The following PRKG1 variants were observed in gnomAD, a reference collection of about 807,000 sequenced individuals.
PRKG1 encodes the protein cGMP-dependent protein kinase 1.
Under a neutral mutation model 88.1 loss-of-function variants are expected in PRKG1, and 35 were observed. That is an observed-to-expected ratio of 0.40 (90% CI 0.30 to 0.53). PRKG1 has a LOEUF of 0.53. PRKG1 is among the 20% of genes least tolerant of loss of function. PRKG1 has a pLI of 0.59. For synonymous variants in PRKG1, 303 were observed against 292.5 expected (o/e 1.04, Z -0.37); for missense variants, 540 against 839.8 (o/e 0.64, Z 4.41).
intron 3 of PRKG1, among the ~76,000 whole-genome samples, chr10:51,589,606 G>C (rs1313209147): frequency 1.3e-5 from 2 of 152,102 alleles, no homozygotes; most frequent in African/African-American, 4.8e-5. Context: ...CTGGGCGACA[G>C]AGTGAGACTC....
At chr10:51,673,698 G>A (rs978114694) in intron 3 of PRKG1, among the ~76,000 whole-genome samples, 10 of 152,104 alleles carry the variant, frequency 6.6e-5, no homozygotes, top group Admixed American at 3.9e-4. Flanking sequence ...GTATCTTTCA[G>A]TAAGCATAAT....
At chr10:51,292,274 G>A (rs12253478) in intron 2 of PRKG1, among the ~76,000 whole-genome samples, 36,925 of 151,948 alleles carry the variant, frequency 0.24, 6,743 homozygotes, top group African/African-American at 0.52. Flanking sequence ...AAATTAGGAA[G>A]AACACTGTCC....
In PRKG1 at chr10:51,383,402, GT is replaced by G. The variant is rs1837163665; in HGVS notation, c.479-84320del. On this transcript the variant is annotated intron_variant, in intron 2 of 17. Coordinates refer to ENST00000373980, the MANE Select transcript of PRKG1 (RefSeq NM_006258.4). ...AAACACTTATATTGTACTTTACTGT[GT>G]CAGGCAGTACTCTAAGCCCTTTATA... is the stretch of plus-strand genomic sequence containing the variant. Among the ~76,000 whole-genome samples the G allele has an allele frequency of 2.6e-5, 4 of 152,154 alleles. No individual in the cohort carries two copies. The South Asian group carries it at 8.3e-4, about 32-fold the overall frequency.
intron 3 of PRKG1, among the ~76,000 whole-genome samples, chr10:51,502,730 A>G (rs1841066480): frequency 6.6e-6 from 1 of 152,162 alleles, no homozygotes; most frequent in African/African-American, 2.4e-5. Context: ...TGTCTTTTTG[A>G]GTTATTACCA....
At chr10:51,032,557 G>A (rs1589115475) in intron 1 of PRKG1, among the ~76,000 whole-genome samples, 1 of 152,018 alleles carries the variant, frequency 6.6e-6, no homozygotes, top group Non-Finnish European at 1.5e-5. Context: ...TCAGGAGTTC[G>A]AGACCATCCT....
At chr10:51,034,792 AC>A (rs920866265) in intron 1 of PRKG1, among the ~76,000 whole-genome samples, 1 of 149,478 alleles carries the variant, frequency 6.7e-6, no homozygotes, top group African/African-American at 2.5e-5. Flanking sequence ...CCCATTCTGT[AC>A]CTAATTTTTA....
At chr10:51,559,119 A>G (rs1589079802) in intron 3 of PRKG1, among the ~76,000 whole-genome samples, 2 of 152,066 alleles carry the variant, frequency 1.3e-5, no homozygotes, top group African/African-American at 4.8e-5. Flanking sequence ...ATATACATAT[A>G]TATATGGCTT....
intron 9 of PRKG1, among the ~76,000 whole-genome samples, chr10:52,220,922 G>A (rs192249772): frequency 1.4e-5 from 2 of 147,846 alleles, no homozygotes; most frequent in Admixed American, 7.0e-5. Flanking sequence ...CATTCCTTTG[G>A]GTGTTGCTGG....
chr10:51,908,725 C>CTATCTATATATATATATATATATA (rs1299574623), intron 5 of PRKG1: 2 of 60,584 alleles, frequency 3.3e-5, no homozygotes, highest in Non-Finnish European at 7.5e-5. Context: ...GTCTATCTAT[C>CTATCTATATATATATATATATATA]TATATGTAAT....
chr10:51,929,690 G>GTC (rs1842649468), intron 5 of PRKG1, among the ~76,000 whole-genome samples: 1 of 152,064 alleles, frequency 6.6e-6, no homozygotes, highest in African/African-American at 2.4e-5. Flanking sequence ...AAGTTAGAGG[G>GTC]TCTAAAGCTG....
intron 14 of PRKG1, among the ~76,000 whole-genome samples, chr10:52,288,130 G>A (rs1457780386): frequency 6.6e-6 from 1 of 152,126 alleles, no homozygotes. Flanking sequence ...GTTGTAATAG[G>A]TTGACCAGAG....
At chr10:51,914,080 T>C (rs1042515364) in intron 5 of PRKG1, among the ~76,000 whole-genome samples, 1 of 152,162 alleles carries the variant, frequency 6.6e-6, no homozygotes, top group African/African-American at 2.4e-5. Context: ...CTTTCTTCTC[T>C]TATGTATACT....
At chr10:51,780,947 T>A (rs1190151221) in intron 3 of PRKG1, among the ~76,000 whole-genome samples, 2 of 152,084 alleles carry the variant, frequency 1.3e-5, no homozygotes, top group Non-Finnish European at 1.5e-5. Context: ...TTGAAAGAAA[T>A]GTTTATCATC....
In PRKG1 at chr10:51,338,620, T is replaced by C. The variant is rs776857834; in HGVS notation, c.479-129103T>C. 3.5e-4 allele frequency among the ~76,000 whole-genome samples: 53 copies of C among 152,148 alleles called. 1 individual carries two copies. The highest frequency in any genetic ancestry group is 2.0e-4 in the Admixed American group (3 of 15,264). ...CCCTGGATTGTGTAAAATGAGATGC[T>C]TACATGCAGCGCTGCCATTAACTGG... On this transcript the variant is annotated intron_variant, in intron 2 of 17. Transcript: ENST00000373980.
chr10:51,782,977 G>A lies in PRKG1; in HGVS notation c.593-21608G>A, dbSNP rs138172562. ...AGTCCTGTCTTTTGACGCCTGTGCCGTATTGCTTCTCACTGTACAGTAGTA... is the reference window on the plus strand; with the variant it reads ...AGTCCTGTCTTTTGACGCCTGTGCCATATTGCTTCTCACTGTACAGTAGTA... On this transcript the variant is annotated intron_variant, in intron 3 of 17. Transcript: ENST00000373980. Among the ~76,000 whole-genome samples, 1,464 of 152,040 alleles carry A rather than the reference G, an allele frequency of 9.6e-3. 14 individuals carry two copies. The highest frequency in any genetic ancestry group is 0.014 in the Non-Finnish European group (945 of 67,998).
intron 3 of PRKG1, among the ~76,000 whole-genome samples, chr10:51,489,764 T>C (rs1840656931): frequency 1.3e-5 from 2 of 151,790 alleles, no homozygotes; most frequent in African/African-American, 4.8e-5. Context: ...GGGAACAAAA[T>C]TGGATGATGC....
rs144104260 is a variant in PRKG1, at chr10:51,297,530, G to T, written c.478+144200G>T. ...GAAACTTTGACAACACCTCTTAAAA[G>T]AAAATTATTAACTTGTAAAAATCAT... On this transcript the variant is annotated intron_variant, in intron 2 of 17. Transcript: ENST00000373980. 6.6e-3 allele frequency among the ~76,000 whole-genome samples: 1,007 copies of T among 152,134 alleles called. 9 individuals carry two copies. Among genetic ancestry groups the T allele is most frequent in the African/African-American group, 0.022 (934 of 41,544 alleles).
intron 3 of PRKG1, among the ~76,000 whole-genome samples, chr10:51,803,150 G>A (rs1050917958): frequency 6.6e-6 from 1 of 151,984 alleles, no homozygotes; most frequent in Non-Finnish European, 1.5e-5. Flanking sequence ...AAGTAAAAGG[G>A]TATTGTAGAA....
intron 4 of PRKG1, among the ~76,000 whole-genome samples, chr10:51,812,345 G>A (rs960722799): frequency 2.6e-5 from 4 of 152,170 alleles, no homozygotes; most frequent in Admixed American, 2.0e-4. Flanking sequence ...TACGACAAAC[G>A]TGGCAAAACT....
Sources: allele counts gnomAD v4.1 joint callset (sites outside exome capture counted in the v4.1 genomes callset), GRCh38; gene constraint gnomAD v4.1.1; transcripts MANE v1.5; gene names NCBI Gene and HGNC (gene_info 2026-07-23, HGNC 2026-07-21).